Variants in ZC3HC1 observed in about 807,000 individuals in gnomAD.
ZC3HC1 encodes zinc finger C3HC-type protein 1.
A neutral mutation model predicts 61.9 loss-of-function variants in ZC3HC1; 38 were observed. The ratio of observed to expected loss-of-function variants is 0.61; its 90% confidence interval spans 0.47 to 0.81. ZC3HC1 has a LOEUF of 0.81. Among genes scored for constraint, ZC3HC1 ranks in the 30% least tolerant of loss-of-function variants. The pLI is 0.00. For synonymous variants in ZC3HC1, 213 were observed against 229.9 expected, an observed-to-expected ratio of 0.93 and a Z score of 0.67; for missense variants, 554 against 622.7, an observed-to-expected ratio of 0.89 and a Z score of 1.17.
intron 6 of ZC3HC1, among the ~76,000 whole-genome samples, chr7:130,025,010 A>T (rs1035596303): frequency 4.4e-5 from 6 of 135,062 alleles, no homozygotes; most frequent in Non-Finnish European, 9.1e-5. Context: ...GGTTCAAGTG[A>T]TTCCCCTGCC....
In ZC3HC1 at chr7:130,023,482, A is replaced by G; in HGVS notation, c.1233+29T>C. 6.2e-7 allele frequency: 1 copy of G among 1,610,700 alleles called. No individual in the cohort carries two copies. The highest frequency in any genetic ancestry group is 1.8e-4 in the Middle Eastern group (1 of 5,450). ...AGGGCCCAATATGCTGTTTATGCTC[A>G]GCCACTGCTACATGCGAGGTGGACT... On this transcript the variant is annotated intron_variant, in intron 8 of 9. Coordinates refer to ENST00000358303, the MANE Select transcript of ZC3HC1 (RefSeq NM_016478.5). The surrounding 1 kb of genome is among the most constrained non-coding windows in gnomAD (Gnocchi z 4.2).
intron 1 of ZC3HC1, among the ~76,000 whole-genome samples, chr7:130,049,438 C>T (rs1160434038): frequency 1.3e-5 from 2 of 152,290 alleles, no homozygotes; most frequent in South Asian, 4.1e-4. Flanking sequence ...AACTATTCTC[C>T]TCACTCACTC....
intron 4 of ZC3HC1, chr7:130,036,568 AAAAATAAAAT>A (rs1041051382): frequency 6.6e-6 from 1 of 152,078 alleles, no homozygotes; most frequent in African/African-American, 2.4e-5. Context: ...TCTCAAAATA[AAAAATAAAAT>A]AAAATAAAAT....
intron 5 of ZC3HC1, chr7:130,026,591 G>A (rs979476981): frequency 7.6e-6 from 2 of 263,600 alleles, no homozygotes; most frequent in Non-Finnish European, 1.4e-5. Context: ...ACCAGCTGCA[G>A]ATTTTCCCTG....
intron 5 of ZC3HC1, among the ~76,000 whole-genome samples, chr7:130,028,679 A>G (rs568999885): frequency 7.9e-5 from 12 of 152,276 alleles, no homozygotes; most frequent in Admixed American, 7.9e-4. Flanking sequence ...GCTTATATAC[A>G]TATATGTTAA....
At chr7:130,045,436 ACCATGTTGG>A (rs981132484) in intron 2 of ZC3HC1, 2 of 456,762 alleles carry the variant, frequency 4.4e-6, no homozygotes, top group Non-Finnish European at 8.8e-6. Context: ...ACCCATCAGT[ACCATGTTGG>A]CCATGTTGGA....
chr7:130,044,191 A>C lies in ZC3HC1; in HGVS notation c.259-3090T>G, dbSNP rs1415088328. On this transcript the variant is annotated intron_variant, in intron 2 of 9. Transcript: ENST00000358303. ...TCCCTGCACCCAGATCTTGGCATTC[A>C]TTCATGCATTTATATAGAGACAGGA... Among the ~76,000 whole-genome samples the C allele has an allele frequency of 3.3e-5, 5 of 152,198 alleles. No homozygotes were observed. In the East Asian group the frequency reaches 9.7e-4, roughly 29 times the overall value.
intron 7 of ZC3HC1, 125 bp downstream of exon 7, chr7:130,024,138 G>A: frequency 7.6e-7 from 1 of 1,319,746 alleles, no homozygotes; most frequent in Middle Eastern, 2.6e-4. Flanking sequence ...AACACTATGT[G>A]GTATCGTAAC....
chr7:130,024,160 G>A, intron 7 of ZC3HC1, 103 bp downstream of exon 7: 1 of 1,439,654 alleles, frequency 6.9e-7, no homozygotes. Context: ...AATGTAGTGG[G>A]AAGAGAAGCC....
At chr7:130,035,657 T>C (rs1172294747) in intron 4 of ZC3HC1, among the ~76,000 whole-genome samples, 1 of 152,108 alleles carries the variant, frequency 6.6e-6, no homozygotes, top group African/African-American at 2.4e-5. Flanking sequence ...AATTTTTTTG[T>C]ATTTTTAGTA....
At chr7:130,026,118 T>G in intron 6 of ZC3HC1, 40 bp downstream of exon 6, 1 of 1,598,746 alleles carries the variant, frequency 6.3e-7, no homozygotes, top group Non-Finnish European at 8.6e-7. Flanking sequence ...GTAATGCTGT[T>G]GTCATGGTTC....
chr7:130,024,487 G>C lies in ZC3HC1; in HGVS notation c.796C>G (p.Gln266Glu). 1 of 1,609,264 alleles carries C rather than the reference G, an allele frequency of 6.2e-7. No homozygotes were observed. Among genetic ancestry groups the C allele is most frequent in the Non-Finnish European group, 8.5e-7 (1 of 1,178,274 alleles). ...WACSSSLESM[Q>E]LSLITCSQCM... is the part of the protein sequence containing the mutation. ...TGCGAACATGTTATCAGGGAGAGCT[G>C]CATGGATTCCAAAGAGGAACTAGAT... Residue 266 changes from glutamine (Q) to glutamate (E), a missense_variant, in exon 7 of 10, where the codon CAG becomes GAG. Transcript: ENST00000358303.
chr7:130,024,870 A>ACAG (rs1563075071), intron 6 of ZC3HC1, among the ~76,000 whole-genome samples: 2 of 139,020 alleles, frequency 1.4e-5, no homozygotes, highest in Non-Finnish European at 3.1e-5. Flanking sequence ...AACAACAACA[A>ACAG]CACAAAAAGT....
In ZC3HC1 at chr7:130,040,801, C is replaced by A. The variant is rs1352015271; in HGVS notation, c.409+150G>T. The A allele has an allele frequency of 7.5e-6, 6 of 795,084 alleles. No individual in the cohort carries two copies. The African/African-American group carries it at 1.3e-4, about 17-fold the overall frequency. The allele number at this position is 795,084 out of a possible 1,614,324, so 49.3% of individuals were successfully genotyped here. A position where few individuals can be genotyped will look rare whatever the true frequency, so the allele number is the denominator to read the frequency against. On this transcript the variant is annotated intron_variant, in intron 3 of 9. Transcript: ENST00000358303. ...GCTCAGCCTGGGCAACAAGCAAGAC[C>A]CCATCTCAAAAAAAAAAAAAAAGAT... is the stretch of plus-strand genomic sequence containing the variant.
chr7:130,048,458 C>A (rs1475947153), intron 2 of ZC3HC1, among the ~76,000 whole-genome samples: 1 of 152,078 alleles, frequency 6.6e-6, no homozygotes, highest in Admixed American at 6.6e-5. Flanking sequence ...TAAGCCATGC[C>A]TGGATTCCTG....
intron 4 of ZC3HC1, among the ~76,000 whole-genome samples, chr7:130,035,150 G>A (rs1473527297): frequency 1.3e-5 from 2 of 152,048 alleles, no homozygotes; most frequent in Non-Finnish European, 2.9e-5. Context: ...AGCACTTTGG[G>A]AGGCCGAGGA....
intron 9 of ZC3HC1, among the ~76,000 whole-genome samples, chr7:130,020,111 G>A (rs886657701): frequency 4.6e-5 from 7 of 151,742 alleles, no homozygotes; most frequent in South Asian, 2.1e-4. Context: ...CACTGCGCCC[G>A]GCCCACTTTC....
intron 5 of ZC3HC1, among the ~76,000 whole-genome samples, chr7:130,027,935 G>A (rs1395398582): frequency 2.0e-5 from 3 of 151,808 alleles, no homozygotes; most frequent in South Asian, 2.1e-4. Context: ...TTGGGAGGCC[G>A]AGGTGGGCGG....
At chr7:130,024,597 A>C in intron 6 of ZC3HC1, 91 bp from the exon 7 acceptor site, 2 of 1,406,786 alleles carry the variant, frequency 1.4e-6, no homozygotes, top group Non-Finnish European at 1.9e-6. Flanking sequence ...TATCTCATCC[A>C]ATTTCTGGAA....
Sources: allele counts gnomAD v4.1 joint callset (sites outside exome capture counted in the v4.1 genomes callset), GRCh38; gene constraint gnomAD v4.1.1; non-coding constraint Gnocchi (gnomAD v3.1); transcripts MANE v1.5; gene names NCBI Gene and HGNC (gene_info 2026-07-23, HGNC 2026-07-21).